SEPTIN10: variants seen among roughly 807,000 people sequenced by gnomAD.
SEPTIN10 encodes the protein septin-10.
A neutral mutation model predicts 54.8 loss-of-function variants in SEPTIN10; 66 were observed. The ratio of observed to expected loss-of-function variants is 1.21; its 90% CI spans 0.99 to 1.48. The LOEUF is 1.48. Ranked by LOEUF, SEPTIN10 falls within the 40% of genes most tolerant of loss-of-function variation. The pLI is 0.00. For synonymous variants in SEPTIN10, 161 were observed against 181.0 expected (o/e 0.89, Z 0.89); for missense variants, 620 against 545.6 (o/e 1.14, Z -1.36).
intron 1 of SEPTIN10, among the ~76,000 whole-genome samples, chr2:109,610,234 G>A (rs755665434): frequency 5.9e-5 from 9 of 152,090 alleles, no homozygotes; most frequent in Non-Finnish European, 1.2e-4. Context: ...GACTACAGGC[G>A]CATGCCACCA....
At chr2:109,546,349 C>G (rs562368355) in intron 9 of SEPTIN10, 112 bp from the exon 10 acceptor site, 40 of 556,048 alleles carry the variant, frequency 7.2e-5, no homozygotes, top group African/African-American at 6.5e-4. Flanking sequence ...ATAACCTACA[C>G]AGTCAAAATC....
intron 2 of SEPTIN10, 89 bp downstream of exon 2, chr2:109,592,962 C>A: frequency 1.3e-6 from 1 of 788,532 alleles, no homozygotes; most frequent in Non-Finnish European, 1.9e-6. Context: ...GTCTCTATCA[C>A]AAGAGTCTAT....
At chr2:109,599,195 C>T (rs1558880173) in intron 1 of SEPTIN10, among the ~76,000 whole-genome samples, 1 of 152,158 alleles carries the variant, frequency 6.6e-6, no homozygotes, top group East Asian at 1.9e-4. Flanking sequence ...CGGTGGCTCA[C>T]ACCTGTAACC....
At chr2:109,545,636 T>C (rs933083991) in intron 10 of SEPTIN10, 10 of 1,512,462 alleles carry the variant, frequency 6.6e-6, no homozygotes, top group African/African-American at 2.8e-5. Context: ...TACTATCTTA[T>C]GTCTATAATT....
chr2:109,573,502 A>G (rs1048914152), intron 5 of SEPTIN10, among the ~76,000 whole-genome samples: 2 of 152,170 alleles, frequency 1.3e-5, no homozygotes, highest in Non-Finnish European at 2.9e-5. Flanking sequence ...AGCTACATCA[A>G]TTTTTGCTAA....
chr2:109,596,400 G>A (rs1695318362), intron 1 of SEPTIN10, among the ~76,000 whole-genome samples: 1 of 152,082 alleles, frequency 6.6e-6, no homozygotes, highest in Admixed American at 6.6e-5. Context: ...GGTGGATCAT[G>A]AGGTCAGGAG....
intron 5 of SEPTIN10, 35 bp from the exon 6 acceptor site, chr2:109,568,011 G>T: frequency 1.3e-6 from 2 of 1,495,060 alleles, no homozygotes; most frequent in South Asian, 1.3e-5. Flanking sequence ...ATCTTACTGA[G>T]GATTTTTTTT....
At chr2:109,591,441 T>C (rs1476633455) in intron 2 of SEPTIN10, among the ~76,000 whole-genome samples, 1 of 152,104 alleles carries the variant, frequency 6.6e-6, no homozygotes, top group Non-Finnish European at 1.5e-5. Context: ...TCACTAAAGA[T>C]TACTAGTGAC....
rs1558830561 is a variant in SEPTIN10, at chr2:109,585,767, C to G, written c.171G>C (p.Val57=). The G allele has an allele frequency of 4.3e-6, 7 of 1,613,894 alleles. No homozygotes were observed. Among genetic ancestry groups the G allele is most frequent in the Non-Finnish European group, 4.2e-6 (5 of 1,179,944 alleles). Residue 57 remains valine (V), a synonymous_variant, in exon 3 of 11, where the codon GTG becomes GTC. Transcript: ENST00000397712. The part of the protein sequence containing the change: ...VGFESLPDQL[V]NRSIQQGFCF... ...AGAAACCTTGCTGAATGGATCTGTT[C>G]ACCAGCTGATCAGGCAAACTCTCAA...
chr2:109,606,199 A>C (rs548220793), intron 1 of SEPTIN10, among the ~76,000 whole-genome samples: 1 of 152,132 alleles, frequency 6.6e-6, no homozygotes, highest in Non-Finnish European at 1.5e-5. Flanking sequence ...GGAGGATTAC[A>C]AAGTCAAGAG....
Position 109,565,475 on chromosome 2 carries a change from T to C in SEPTIN10, c.859+288A>G, listed in dbSNP as rs1453175929. Among the ~76,000 whole-genome samples, 3 of 152,204 alleles carry C rather than the reference T, an allele frequency of 2.0e-5. No individual in the cohort carries two copies. In the East Asian group the frequency reaches 5.8e-4, roughly 29 times the overall value. On this transcript the variant is annotated intron_variant, in intron 7 of 10. Coordinates refer to ENST00000397712, the MANE Select transcript of SEPTIN10 (RefSeq NM_144710.5). Reference sequence around the variant, plus strand: ...CTTATACTTAAGTGGTAATTAGTGATGTTTTATGTCTGAACACTACTTTCC... The same window carrying C: ...CTTATACTTAAGTGGTAATTAGTGACGTTTTATGTCTGAACACTACTTTCC...
intron 4 of SEPTIN10, among the ~76,000 whole-genome samples, chr2:109,575,407 A>G (rs1573597690): frequency 6.6e-6 from 1 of 152,374 alleles, no homozygotes; most frequent in East Asian, 1.9e-4. Context: ...TCTAACTAGT[A>G]ATGGTGGCAC....
chr2:109,582,734 A>C (rs1691510227), intron 4 of SEPTIN10, among the ~76,000 whole-genome samples: 1 of 152,254 alleles, frequency 6.6e-6, no homozygotes, highest in South Asian at 2.1e-4. Context: ...AATACTAAGC[A>C]AAAGAACAAA....
chr2:109,583,904 T>C (rs1418456234), intron 4 of SEPTIN10, among the ~76,000 whole-genome samples: 2 of 152,128 alleles, frequency 1.3e-5, no homozygotes, highest in African/African-American at 4.8e-5. Context: ...CCAAATACCA[T>C]ATGTTCTCAC....
chr2:109,559,284 C>A (rs186107320), intron 8 of SEPTIN10, among the ~76,000 whole-genome samples: 9 of 152,276 alleles, frequency 5.9e-5, no homozygotes, highest in Admixed American at 4.6e-4. Flanking sequence ...TCACATATGA[C>A]AAAGAACCAG....
chr2:109,543,970 G>T lies in SEPTIN10; in HGVS notation c.*339C>A. ...TAATTTATACAAAAATTTTGTGCAA[G>T]AAACAAAATCTGTTTAAACTGAACC... On this transcript the variant is annotated 3_prime_UTR_variant, in exon 11 of 11. Coordinates refer to ENST00000397712, the MANE Select transcript of SEPTIN10 (RefSeq NM_144710.5). 1 of 594,044 alleles carries T rather than the reference G, an allele frequency of 1.7e-6. No individual in the cohort carries two copies. The allele number at this position is 594,044 out of a possible 1,614,324, so 36.8% of individuals were successfully genotyped here. A position where few individuals can be genotyped will look rare whatever the true frequency, so the allele number is the denominator to read the frequency against.
At chr2:109,562,635 C>T (rs958655246) in intron 8 of SEPTIN10, among the ~76,000 whole-genome samples, 1 of 152,108 alleles carries the variant, frequency 6.6e-6, no homozygotes, top group Non-Finnish European at 1.5e-5. Context: ...GACACCTAGG[C>T]CTGTCTCCTC....
Position 109,585,823 on chromosome 2 carries a change from GA to G in SEPTIN10, c.114del (p.Arg39ValfsTer3). The G allele has an allele frequency of 6.2e-7, 1 of 1,607,790 alleles. No individual in the cohort carries two copies. The highest frequency in any genetic ancestry group is 8.5e-7 in the Non-Finnish European group (1 of 1,176,594). On this transcript the variant is annotated frameshift_variant, in exon 3 of 11. Coordinates refer to ENST00000397712, the MANE Select transcript of SEPTIN10 (RefSeq NM_144710.5). LOFTEE classifies it high-confidence loss of function. The stretch of plus-strand genomic sequence containing the variant: ...ACATGGCCAGACATAGTCAACGAAC[GA>G]ATGTTTTCTCTTTTCTGAAGGAAAA... ...SDDEQIKREN[I>X]RSLTMSGHVG...
At chr2:109,578,420 A>G (rs959746397) in intron 4 of SEPTIN10, among the ~76,000 whole-genome samples, 1 of 152,236 alleles carries the variant, frequency 6.6e-6, no homozygotes, top group Non-Finnish European at 1.5e-5. Context: ...ACTACGTAAT[A>G]ATAAAAGTGT....
Sources: gnomAD v4.1 joint callset for allele counts (sites outside exome capture counted in the v4.1 genomes callset) on GRCh38, gnomAD v4.1.1 for gene constraint, MANE v1.5 for transcripts, NCBI Gene and HGNC (gene_info 2026-07-23, HGNC 2026-07-21) for gene names.